The following NAA11 variants were observed in gnomAD, a reference collection of about 807,000 sequenced individuals.
NAA11 encodes N-alpha-acetyltransferase 11.
Under a neutral mutation model 16.1 loss-of-function variants are expected in NAA11, and 15 were observed. That is an observed-to-expected ratio of 0.93 (90% confidence interval 0.62 to 1.44). The LOEUF is 1.44. Ranked by LOEUF, NAA11 falls within the 40% of genes most tolerant of loss-of-function variation. The pLI, the probability that NAA11 is intolerant of heterozygous loss-of-function variation, is 0.00. For missense variants in NAA11, 298 were observed against 291.3 expected (o/e 1.02, Z -0.17); for synonymous variants, 122 against 112.4 (o/e 1.09, Z -0.54).
At chr4:79,316,256 T>C (rs1455863887), downstream of NAA11, among the ~76,000 whole-genome samples, 2 of 151,930 alleles carry the variant, frequency 1.3e-5, no homozygotes, top group African/African-American at 4.8e-5. Context: ...GATAAACACA[T>C]GGTTGAGAGG....
intron 1 of NAA11, chr4:79,308,159 C>T (rs1723643460): frequency 6.6e-6 from 1 of 152,146 alleles, no homozygotes; most frequent in African/African-American, 2.4e-5. Flanking sequence ...TGGCTGAAAA[C>T]TAAATTATTG....
chr4:79,281,046 A>G (rs1387161766), intron 2 of NAA11, among the ~76,000 whole-genome samples: 1 of 152,022 alleles, frequency 6.6e-6, no homozygotes, highest in Non-Finnish European at 1.5e-5. Context: ...AATGCTTTCC[A>G]GGCTCCAGTG....
At chr4:79,195,844 C>G in the NAA11 span, 1 of 153,640 alleles carries the variant, frequency 6.5e-6, no homozygotes, top group East Asian at 1.9e-4. Context: ...AGAACTGCTT[C>G]TTGCTGCCGC....
At chr4:79,190,149 C>T in the NAA11 span, among the ~76,000 whole-genome samples, 2 of 152,080 alleles carry the variant, frequency 1.3e-5, no homozygotes, top group Admixed American at 6.6e-5. Context: ...TTTACAATTT[C>T]GGGAAAAATC....
At chr4:79,167,132 T>TTATATA in the NAA11 span, among the ~76,000 whole-genome samples, 296 of 17,266 alleles carry the variant, frequency 0.017, 58 homozygotes, top group South Asian at 0.058. Context: ...ACAGCTTATT[T>TTATATA]TATATATATA....
chr4:79,297,883 G>A, intron 1 of NAA11, among the ~76,000 whole-genome samples: 1 of 152,174 alleles, frequency 6.6e-6, no homozygotes, highest in Non-Finnish European at 1.5e-5. Context: ...AAGGCTGGGG[G>A]GCAGGCTGCC....
rs533643190 is a variant in NAA11 at position 79,319,963 on chromosome 4, A to G, written c.*13-2172T>C. 2.6e-5 allele frequency among the ~76,000 whole-genome samples: 4 copies of G among 152,378 alleles called. No individual in the cohort carries two copies. The East Asian group carries it at 7.7e-4, about 29-fold the overall frequency. ...TGTTAGAATGACAGTTTAGCGACACAAAGAATAAACCAGAAAGGGAGAGTC... is the reference window on the plus strand; with the variant it reads ...TGTTAGAATGACAGTTTAGCGACACGAAGAATAAACCAGAAAGGGAGAGTC... On this transcript the variant is annotated intron_variant, in intron 1 of 1. Transcript: ENST00000286794.
At chr4:79,165,235 G>A in the NAA11 span, among the ~76,000 whole-genome samples, 1 of 152,174 alleles carries the variant, frequency 6.6e-6, no homozygotes, top group East Asian at 1.9e-4. Context: ...ATGGAGAATG[G>A]TGAAGTCATT....
chr4:79,196,136 C>T, the NAA11 span, among the ~76,000 whole-genome samples: 1 of 152,164 alleles, frequency 6.6e-6, no homozygotes, highest in African/African-American at 2.4e-5. Context: ...GCTCTGTCCA[C>T]ATGTGATTTC....
chr4:79,157,006 G>T, the NAA11 span, among the ~76,000 whole-genome samples: 1 of 152,272 alleles, frequency 6.6e-6, no homozygotes, highest in Non-Finnish European at 1.5e-5. Context: ...CATTATCCCT[G>T]ACTAAATTGA....
intron 2 of NAA11, among the ~76,000 whole-genome samples, chr4:79,271,425 A>G: frequency 6.6e-6 from 1 of 152,026 alleles, no homozygotes; most frequent in Non-Finnish European, 1.5e-5. Flanking sequence ...GGGTAGGAAG[A>G]ATCAATATTG....
chr4:79,188,263 G>T, the NAA11 span, among the ~76,000 whole-genome samples: 1 of 152,058 alleles, frequency 6.6e-6, no homozygotes, highest in Admixed American at 6.5e-5. Flanking sequence ...CAGGGAGGAT[G>T]TAAAAAGAGC....
chr4:79,251,025 C>T (rs1008859996), intron 2 of NAA11, among the ~76,000 whole-genome samples: 6 of 152,196 alleles, frequency 3.9e-5, no homozygotes, highest in South Asian at 2.1e-4. Flanking sequence ...CTGGTGGAAA[C>T]GTAAATTATT....
intron 2 of NAA11, among the ~76,000 whole-genome samples, chr4:79,257,600 C>A (rs1230459781): frequency 3.9e-5 from 6 of 151,962 alleles, no homozygotes; most frequent in Non-Finnish European, 8.8e-5. Context: ...CTTTTTACTG[C>A]ATATTTCTCT....
At chr4:79,249,891 A>G (rs1011516646) in intron 2 of NAA11, among the ~76,000 whole-genome samples, 9 of 152,232 alleles carry the variant, frequency 5.9e-5, no homozygotes, top group African/African-American at 1.7e-4. Flanking sequence ...CAGCTCTCAC[A>G]GAGGACAAAA....
the NAA11 span, among the ~76,000 whole-genome samples, chr4:79,194,719 A>G: frequency 6.6e-6 from 1 of 152,134 alleles, no homozygotes; most frequent in African/African-American, 2.4e-5. Context: ...CTGTCAATCC[A>G]GGGGGTTTTA....
At chr4:79,190,707 G>C in the NAA11 span, among the ~76,000 whole-genome samples, 6 of 152,016 alleles carry the variant, frequency 3.9e-5, no homozygotes, top group African/African-American at 1.4e-4. Context: ...TACATGTGAA[G>C]ATTTGTTACA....
downstream of NAA11, among the ~76,000 whole-genome samples, chr4:79,313,201 A>C (rs1283476770): frequency 6.6e-6 from 1 of 152,226 alleles, no homozygotes; most frequent in Non-Finnish European, 1.5e-5. Flanking sequence ...TGAGGGGTAA[A>C]AATGTCTAAA....
chr4:79,272,439 CA>C (rs1722516458), intron 2 of NAA11, among the ~76,000 whole-genome samples: 2 of 151,904 alleles, frequency 1.3e-5, no homozygotes, highest in African/African-American at 4.8e-5. Flanking sequence ...TGTGCAGAAG[CA>C]GGGGCCTAAA....
Sources: gnomAD v4.1 joint callset for allele counts (sites outside exome capture counted in the v4.1 genomes callset) on GRCh38, gnomAD v4.1.1 for gene constraint, MANE v1.5 for transcripts, NCBI Gene and HGNC (gene_info 2026-07-23, HGNC 2026-07-21) for gene names.